Variants in PCDHA8 observed in about 807,000 individuals in gnomAD.
PCDHA8 encodes protocadherin alpha 8.
PCDHA8 carries 53 observed loss-of-function variants against 61.8 expected under a neutral mutation model. The ratio of observed to expected loss-of-function variants is 0.86; its 90% CI spans 0.69 to 1.08. The LOEUF (loss-of-function observed/expected upper bound fraction) is 1.08. Ranked by LOEUF, PCDHA8 falls within the 50% of genes least tolerant of loss-of-function variation. The pLI, the probability that PCDHA8 is intolerant of heterozygous loss-of-function variation, is 0.00. For missense variants in PCDHA8, 1,293 were observed against 1,245.0 expected, an observed-to-expected ratio of 1.04 and a Z score of -0.58; for synonymous variants, 618 against 556.6, an observed-to-expected ratio of 1.11 and a Z score of -1.55.
In PCDHA8 at chr5:140,843,480, C is replaced by T. The variant is rs2150360983; in HGVS notation, c.2159C>T (p.Ala720Val). 4 of 1,596,022 alleles carry T rather than the reference C, an allele frequency of 2.5e-6. No homozygotes were observed. Among genetic ancestry groups the T allele is most frequent in the East Asian group, 2.2e-5 (1 of 44,820 alleles). ...LLVLTLLLYT[A>V]LRCSALPTEG... Reference sequence around the variant, plus strand: ...GTGCTCACGCTGCTGCTGTACACTGCGCTGCGGTGCTCAGCACTGCCCACT... The same window carrying T: ...GTGCTCACGCTGCTGCTGTACACTGTGCTGCGGTGCTCAGCACTGCCCACT... The change falls in exon 1 of 4, where the codon GCG (alanine) becomes GTG (valine). Residue 720 changes from alanine (A) to valine (V), a missense_variant. Ala to Val is a moderately conservative substitution (Grantham distance 64). Coordinates refer to ENST00000531613, the MANE Select transcript of PCDHA8 (RefSeq NM_018911.3).
intron 1 of PCDHA8, chr5:140,883,594 G>T: frequency 1.9e-6 from 3 of 1,614,032 alleles, no homozygotes; most frequent in Non-Finnish European, 2.5e-6. Context: ...CCAGCGTGTC[G>T]GTGGGGGTGG....
chr5:140,966,962 G>A (rs370831122), intron 1 of PCDHA8: 1 of 1,602,750 alleles, frequency 6.2e-7, no homozygotes, highest in Non-Finnish European at 8.5e-7. Context: ...TCGCGCGCTG[G>A]GGCTTGAGCT....
At position 140,997,702 on chromosome 5, in the gene PCDHA8, T is replaced by A. The variant is rs548432387; in HGVS notation, c.2543-11925T>A. Reference sequence around the variant, plus strand: ...TGTGTGTGTGTGTGTGTGTGTATGTTAACAAACACCTTTCTACGTCAGTAC... The same window carrying A: ...TGTGTGTGTGTGTGTGTGTGTATGTAAACAAACACCTTTCTACGTCAGTAC... On this transcript the variant is annotated intron_variant, in intron 3 of 3. Coordinates refer to ENST00000531613, the MANE Select transcript of PCDHA8 (RefSeq NM_018911.3). 1.4e-3 allele frequency among the ~76,000 whole-genome samples: 209 copies of A among 150,856 alleles called. 1 individual carries two copies. The highest frequency in any genetic ancestry group is 4.8e-3 in the African/African-American group (199 of 41,058).
chr5:140,869,274 G>A, intron 1 of PCDHA8: 1 of 1,613,594 alleles, frequency 6.2e-7, no homozygotes. Context: ...TGGAGCTGGC[G>A]GAGCTGGTGC....
At chr5:140,884,247 C>G (rs1554181368) in intron 1 of PCDHA8, 5 of 1,613,398 alleles carry the variant, frequency 3.1e-6, no homozygotes, top group Non-Finnish European at 4.2e-6. Flanking sequence ...CCCGCGCTGA[C>G]GGCCACGGCA....
At chr5:140,959,281 G>T (rs1395135880) in intron 1 of PCDHA8, among the ~76,000 whole-genome samples, 2 of 152,044 alleles carry the variant, frequency 1.3e-5, no homozygotes, top group Admixed American at 1.3e-4. Context: ...GGAGCCTGAG[G>T]TGGGAGCATC....
chr5:140,904,939 T>G (rs1418494936), intron 1 of PCDHA8, among the ~76,000 whole-genome samples: 3 of 152,254 alleles, frequency 2.0e-5, no homozygotes, highest in Admixed American at 2.0e-4. Flanking sequence ...TTCTGGATAT[T>G]AGTCCTTTGT....
Position 140,995,742 on chromosome 5 carries a change from A to G in PCDHA8, c.2542+13179A>G, listed in dbSNP as rs1354360972. Among the ~76,000 whole-genome samples the G allele has an allele frequency of 7.2e-5, 11 of 152,280 alleles. No individual in the cohort carries two copies. In the East Asian group the frequency reaches 2.1e-3, roughly 29 times the overall value. On this transcript the variant is annotated intron_variant, in intron 3 of 3. Coordinates refer to ENST00000531613, the MANE Select transcript of PCDHA8 (RefSeq NM_018911.3). Reference sequence around the variant, plus strand: ...CTTAGGTAATCCTGGTGGATTTGGTATATCATGTCTGAGAAAATGTGGAGA... The same window carrying G: ...CTTAGGTAATCCTGGTGGATTTGGTGTATCATGTCTGAGAAAATGTGGAGA...
intron 1 of PCDHA8, among the ~76,000 whole-genome samples, chr5:140,873,915 C>A (rs543062290): frequency 6.6e-6 from 1 of 152,284 alleles, no homozygotes; most frequent in Non-Finnish European, 1.5e-5. Flanking sequence ...CCTGCCTCAG[C>A]CTCCCAAAGT....
chr5:140,874,695 T>C (rs1278085784), intron 1 of PCDHA8, among the ~76,000 whole-genome samples: 1 of 152,228 alleles, frequency 6.6e-6, no homozygotes, highest in East Asian at 1.9e-4. Flanking sequence ...TAACATGTTA[T>C]GGAAATGAGA....
At chr5:140,967,354 C>T in intron 1 of PCDHA8, 1 of 1,607,952 alleles carries the variant, frequency 6.2e-7, no homozygotes, top group South Asian at 1.1e-5. Flanking sequence ...TCGAGCTGGA[C>T]CTTAAGCCCC....
At chr5:140,858,605 T>C (rs553423419) in intron 1 of PCDHA8, 1 of 1,265,752 alleles carries the variant, frequency 7.9e-7, no homozygotes, top group South Asian at 1.5e-5. Flanking sequence ...AGTTTTAAAA[T>C]TTTTTTATCC....
intron 1 of PCDHA8, chr5:140,857,485 G>T (rs1554150101): frequency 6.3e-7 from 1 of 1,598,484 alleles, no homozygotes; most frequent in Admixed American, 1.7e-5. Context: ...TGTCTGCGTG[G>T]GACGCGGACG....
Position 140,989,317 on chromosome 5 carries a change from C to T in PCDHA8, c.2542+6754C>T, listed in dbSNP as rs184467267. Among the ~76,000 whole-genome samples, 489 of 152,240 alleles carry T rather than the reference C, an allele frequency of 3.2e-3. 2 individuals carry two copies. Among genetic ancestry groups the T allele is most frequent in the African/African-American group, 0.011 (440 of 41,530 alleles). Reference sequence around the variant, plus strand: ...AAAGGGCCAAGGAAGTAGGGTCTCACCAACTTTGCCACCTGACTCAGCTCA... The same window carrying T: ...AAAGGGCCAAGGAAGTAGGGTCTCATCAACTTTGCCACCTGACTCAGCTCA... On this transcript the variant is annotated intron_variant, in intron 3 of 3. Transcript: ENST00000531613.
At position 140,842,226 on chromosome 5, in the gene PCDHA8, T is replaced by G. The variant is rs2150332205; in HGVS notation, c.905T>G (p.Ile302Arg). The G allele has an allele frequency of 6.2e-7, 1 of 1,612,936 alleles. No homozygotes were observed. The highest frequency in any genetic ancestry group is 8.5e-7 in the Non-Finnish European group (1 of 1,179,210). ...HFSIDRNTGEIVIRGNLDFEQ... is the reference protein window; with the variant it reads ...HFSIDRNTGERVIRGNLDFEQ... The stretch of plus-strand genomic sequence containing the variant: ...AGCATAGATCGAAATACGGGAGAAA[T>G]AGTGATTCGGGGTAATTTGGATTTT... The change falls in exon 1 of 4, where the codon ATA becomes AGA. Residue 302 changes from isoleucine to arginine, a missense_variant. Physicochemically the swap from Ile to Arg is moderately conservative, Grantham distance 97 (BLOSUM62 -3). Coordinates refer to ENST00000531613, the MANE Select transcript of PCDHA8 (RefSeq NM_018911.3).
intron 1 of PCDHA8, among the ~76,000 whole-genome samples, chr5:140,886,068 GC>G (rs1462692271): frequency 5.3e-5 from 8 of 152,098 alleles, no homozygotes; most frequent in African/African-American, 9.7e-5. Context: ...AAAGCGTAGG[GC>G]CATACCACAA....
At chr5:140,856,876 G>A (rs1554149244) in intron 1 of PCDHA8, 1 of 1,596,004 alleles carries the variant, frequency 6.3e-7, no homozygotes, top group Non-Finnish European at 8.6e-7. Context: ...ACAAGGAAAT[G>A]ATGTATTCAT....
At chr5:140,979,779 G>C (rs778402540) in intron 2 of PCDHA8, among the ~76,000 whole-genome samples, 1 of 152,186 alleles carries the variant, frequency 6.6e-6, no homozygotes, top group Non-Finnish European at 1.5e-5. Flanking sequence ...AAATGGGAAG[G>C]ACCAAGAAAC....
chr5:140,842,420 A>G lies in PCDHA8; in HGVS notation c.1099A>G (p.Thr367Ala). ...TGTACGTGAAGACGCTCAATTTGGT[A>G]CTGTCATCGCCCTAATTAGCGTGAA... ...LPVREDAQFG[T>A]VIALISVNDL... Residue 367 changes from threonine to alanine, a missense_variant, in exon 1 of 4, where the codon ACT becomes GCT. Transcript: ENST00000531613. 1.2e-6 allele frequency: 2 copies of G among 1,613,364 alleles called. No individual in the cohort carries two copies. Among genetic ancestry groups the G allele is most frequent in the Non-Finnish European group, 1.7e-6 (2 of 1,179,426 alleles).
Sources: gnomAD v4.1 joint callset for allele counts (sites outside exome capture counted in the v4.1 genomes callset) on GRCh38, gnomAD v4.1.1 for gene constraint, MANE v1.5 for transcripts, NCBI Gene and HGNC (gene_info 2026-07-23, HGNC 2026-07-21) for gene names.